Variants in FAM81A observed in about 807,000 individuals in gnomAD.
FAM81A encodes protein FAM81A.
A neutral mutation model predicts 46.7 loss-of-function variants in FAM81A; 19 were observed. The ratio of observed to expected loss-of-function variants is 0.41; its 90% confidence interval spans 0.28 to 0.60. The LOEUF is 0.60. Among genes scored for constraint, FAM81A ranks in the 20% least tolerant of loss-of-function variants. FAM81A has a pLI of 0.34. For missense variants in FAM81A, 377 were observed against 453.5 expected (o/e 0.83, Z 1.53); for synonymous variants, 183 against 152.9 (o/e 1.20, Z -1.45).
chr15:59,447,661 G>A (rs1479182003), intron 1 of FAM81A, among the ~76,000 whole-genome samples: 2 of 152,204 alleles, frequency 1.3e-5, no homozygotes, highest in Non-Finnish European at 2.9e-5. Context: ...TAGGCATGCT[G>A]ACCTCAGTTG....
chr15:59,398,124 T>C (rs1379306599), intron 1 of FAM81A, among the ~76,000 whole-genome samples: 1 of 152,196 alleles, frequency 6.6e-6, no homozygotes, highest in East Asian at 1.9e-4. Context: ...TTTGACAGCA[T>C]TGCCTTTGGA....
rs1596556017 is a variant in FAM81A at position 59,521,647 on chromosome 15, C to T, written c.*269C>T. Reference sequence around the variant, plus strand: ...CTGGATTTTGAAAGGCTTTTATCTTCTTCATTTTACGAATGGAAAGACGAC... The same window carrying T: ...CTGGATTTTGAAAGGCTTTTATCTTTTTCATTTTACGAATGGAAAGACGAC... On this transcript the variant is annotated 3_prime_UTR_variant, in exon 9 of 9. Transcript: ENST00000288228. 3 of 289,250 alleles carry T rather than the reference C, an allele frequency of 1.0e-5. No individual in the cohort carries two copies. The East Asian group carries it at 1.9e-4, about 18-fold the overall frequency. 17.9% of individuals were successfully genotyped at this position (289,250 alleles called of 1,614,324 possible).
At chr15:59,482,894 C>T (rs2081871544) in intron 3 of FAM81A, among the ~76,000 whole-genome samples, 1 of 152,124 alleles carries the variant, frequency 6.6e-6, no homozygotes, top group South Asian at 2.1e-4. Context: ...AGTTGTCTTG[C>T]AAGAATGTAT....
chr15:59,417,214 G>T (rs1161829034), intron 2 of FAM81A, among the ~76,000 whole-genome samples: 2 of 152,162 alleles, frequency 1.3e-5, no homozygotes, highest in Admixed American at 1.3e-4. Context: ...CCCAGGCTGT[G>T]CTCTCCACAT....
At chr15:59,429,532 T>A (rs1413859184) in intron 2 of FAM81A, among the ~76,000 whole-genome samples, 1 of 152,210 alleles carries the variant, frequency 6.6e-6, no homozygotes, top group East Asian at 1.9e-4. Flanking sequence ...GTGGAAGTGT[T>A]CCTACATATA....
intron 2 of FAM81A, among the ~76,000 whole-genome samples, chr15:59,427,615 G>A (rs1224245810): frequency 3.3e-5 from 5 of 152,032 alleles, no homozygotes; most frequent in African/African-American, 4.8e-5. Flanking sequence ...GAGTTCAATT[G>A]TTTTAATTTT....
chr15:59,402,154 A>G, intron 1 of FAM81A: 1 of 251,782 alleles, frequency 4.0e-6, no homozygotes, highest in Middle Eastern at 1.3e-3. Flanking sequence ...ACTGCTATAA[A>G]GTAATAAACT....
chr15:59,503,044 C>T (rs181253274), intron 4 of FAM81A, among the ~76,000 whole-genome samples: 1 of 152,002 alleles, frequency 6.6e-6, no homozygotes, highest in East Asian at 1.9e-4. Flanking sequence ...AGTTCTGAGA[C>T]CAGCCTCGCC....
At chr15:59,489,744 C>T (rs1047654092) in intron 3 of FAM81A, among the ~76,000 whole-genome samples, 1 of 152,110 alleles carries the variant, frequency 6.6e-6, no homozygotes, top group Admixed American at 6.5e-5. Context: ...AACCCAGAAA[C>T]AAATCCATAC....
chr15:59,458,538 T>C lies in FAM81A; in HGVS notation c.-77-12T>C. The C allele has an allele frequency of 6.3e-7, 1 of 1,597,814 alleles. No individual in the cohort carries two copies. The highest frequency in any genetic ancestry group is 8.6e-7 in the Non-Finnish European group (1 of 1,168,522). On this transcript the variant is annotated splice_polypyrimidine_tract_variant and intron_variant, in intron 1 of 8. Transcript: ENST00000288228. ...AAACTGTTAAATAATTTAGTGCTTA[T>C]TTTTTCAACAGATGTGAATTATTAA...
At chr15:59,466,733 G>A (rs2081618763) in intron 3 of FAM81A, among the ~76,000 whole-genome samples, 2 of 152,098 alleles carry the variant, frequency 1.3e-5, no homozygotes, top group South Asian at 4.1e-4. Context: ...TGTCTATTTT[G>A]GCTTTTATTG....
intron 3 of FAM81A, among the ~76,000 whole-genome samples, chr15:59,472,123 G>T (rs775516096): frequency 1.3e-5 from 2 of 152,072 alleles, no homozygotes; most frequent in Non-Finnish European, 2.9e-5. Flanking sequence ...AGCTAAAGGG[G>T]GTTGGGGCCC....
At chr15:59,414,847 G>A (rs1387809560) in intron 2 of FAM81A, among the ~76,000 whole-genome samples, 1 of 151,446 alleles carries the variant, frequency 6.6e-6, no homozygotes, top group African/African-American at 2.4e-5. Flanking sequence ...ATGGAGTCTC[G>A]CTCTGTCACC....
intron 3 of FAM81A, among the ~76,000 whole-genome samples, chr15:59,487,512 CT>C (rs1339768611): frequency 7.3e-5 from 11 of 151,326 alleles, no homozygotes; most frequent in Non-Finnish European, 1.6e-4. Flanking sequence ...CAAACTTTAG[CT>C]AGACTAAGAA....
At chr15:59,497,515 T>C (rs1403457367) in intron 4 of FAM81A, among the ~76,000 whole-genome samples, 1 of 152,166 alleles carries the variant, frequency 6.6e-6, no homozygotes, top group Non-Finnish European at 1.5e-5. Context: ...TGATAGGGAC[T>C]GTGTTGAATC....
At chr15:59,515,756 G>T (rs572860938) in intron 7 of FAM81A, among the ~76,000 whole-genome samples, 1 of 152,074 alleles carries the variant, frequency 6.6e-6, no homozygotes, top group African/African-American at 2.4e-5. Context: ...ATAATTCTTG[G>T]TCTTTGGATC....
intron 4 of FAM81A, among the ~76,000 whole-genome samples, chr15:59,499,897 G>A (rs2082073771): frequency 6.8e-6 from 1 of 147,240 alleles, no homozygotes; most frequent in Admixed American, 6.9e-5. Flanking sequence ...CTGTCGCCCA[G>A]GCTGAAGTGC....
At chr15:59,456,860 A>G (rs1393479051) in intron 1 of FAM81A, among the ~76,000 whole-genome samples, 1 of 152,186 alleles carries the variant, frequency 6.6e-6, no homozygotes, top group Non-Finnish European at 1.5e-5. Context: ...AAGTGCTGGG[A>G]TTACAGGCAT....
At chr15:59,510,964 A>G (rs962399325) in intron 6 of FAM81A, among the ~76,000 whole-genome samples, 2 of 152,034 alleles carry the variant, frequency 1.3e-5, no homozygotes, top group South Asian at 2.1e-4. Flanking sequence ...CCTGGCCAAC[A>G]TGGTGAAATC....
Sources: allele counts gnomAD v4.1 joint callset (sites outside exome capture counted in the v4.1 genomes callset), GRCh38; gene constraint gnomAD v4.1.1; transcripts MANE v1.5; gene names NCBI Gene and HGNC (gene_info 2026-07-23, HGNC 2026-07-21).